Variants in WWOX observed in about 807,000 individuals in gnomAD.
WWOX encodes the protein WW domain-containing oxidoreductase.
WWOX carries 69 observed loss-of-function variants against 46.2 expected under a neutral mutation model. The ratio of observed to expected loss-of-function variants is 1.49; its 90% confidence interval spans 1.23 to 1.82. The LOEUF is 1.82. WWOX is among the 40% of genes most tolerant of loss of function. WWOX has a pLI of 0.00. For synonymous variants in WWOX, 359 were observed against 202.6 expected, an observed-to-expected ratio of 1.77 and a Z score of -6.56; for missense variants, 919 against 542.6, an observed-to-expected ratio of 1.69 and a Z score of -6.89.
chr16:79,028,876 T>G (rs1350404575), intron 8 of WWOX, among the ~76,000 whole-genome samples: 4 of 146,326 alleles, frequency 2.7e-5, no homozygotes, highest in Non-Finnish European at 4.5e-5. Flanking sequence ...AAGAGATCAC[T>G]TCACAGTTTC....
intron 8 of WWOX, among the ~76,000 whole-genome samples, chr16:78,469,680 C>T (rs2084173627): frequency 6.6e-6 from 1 of 152,182 alleles, no homozygotes; most frequent in Non-Finnish European, 1.5e-5. Context: ...TCTATGGATT[C>T]TGCTTACACC....
chr16:78,421,259 G>A (rs1015322849), intron 6 of WWOX, among the ~76,000 whole-genome samples: 2 of 152,058 alleles, frequency 1.3e-5, no homozygotes, highest in Non-Finnish European at 2.9e-5. Flanking sequence ...TTGCAGCGTT[G>A]GCTCCTTCTG....
intron 8 of WWOX, among the ~76,000 whole-genome samples, chr16:78,581,820 A>C (rs984709471): frequency 6.6e-6 from 1 of 152,188 alleles, no homozygotes. Context: ...TAGTAGTGTA[A>C]GTTGATTTCA....
chr16:78,193,358 C>G (rs927907560), intron 5 of WWOX, among the ~76,000 whole-genome samples: 1 of 152,188 alleles, frequency 6.6e-6, no homozygotes, highest in African/African-American at 2.4e-5. Context: ...TGTTTTATCT[C>G]AAGCTCCCAG....
intron 8 of WWOX, among the ~76,000 whole-genome samples, chr16:78,844,594 A>C (rs574545270): frequency 6.6e-6 from 1 of 152,318 alleles, no homozygotes; most frequent in East Asian, 1.9e-4. Context: ...TGTGGAGGGA[A>C]AGACCGCAGA....
intron 8 of WWOX, among the ~76,000 whole-genome samples, chr16:78,667,496 C>G (rs1441947380): frequency 6.6e-6 from 1 of 151,826 alleles, no homozygotes; most frequent in Non-Finnish European, 1.5e-5. Flanking sequence ...CGGTGAAACC[C>G]TGTCTCTACT....
chr16:78,701,009 T>C (rs766391850), intron 8 of WWOX, among the ~76,000 whole-genome samples: 28 of 152,174 alleles, frequency 1.8e-4, no homozygotes, highest in Non-Finnish European at 3.7e-4. Context: ...GCTGCCTAGG[T>C]TTGAATCCAG....
At chr16:79,106,582 A>ATTTTTTTTTTTTTTTTTTTTTTTTTT (rs752318131) in intron 8 of WWOX, 6 of 79,514 alleles carry the variant, frequency 7.5e-5, no homozygotes, top group African/African-American at 3.2e-4. Context: ...TCTTAAAATA[A>ATTTTTTTTTTTTTTTTTTTTTTTTTT]TTTTTTTTTT....
At chr16:79,031,337 T>C (rs2047749853) in intron 8 of WWOX, among the ~76,000 whole-genome samples, 2 of 152,136 alleles carry the variant, frequency 1.3e-5, no homozygotes, top group Admixed American at 1.3e-4. Flanking sequence ...ATCCTGGCAC[T>C]GCAGTCCTGG....
chr16:78,764,201 G>A (rs140346224), intron 8 of WWOX, among the ~76,000 whole-genome samples: 67 of 152,134 alleles, frequency 4.4e-4, no homozygotes, highest in African/African-American at 1.4e-3. Context: ...TCAGTCTTCC[G>A]GCTCTACCCT....
chr16:78,499,448 GC>G (rs1437750330), intron 8 of WWOX, among the ~76,000 whole-genome samples: 1 of 152,158 alleles, frequency 6.6e-6, no homozygotes, highest in Non-Finnish European at 1.5e-5. Flanking sequence ...TTTTACCATA[GC>G]TAACCTTTCT....
intron 8 of WWOX, among the ~76,000 whole-genome samples, chr16:78,977,527 G>A (rs1372279623): frequency 1.3e-5 from 2 of 152,092 alleles, no homozygotes; most frequent in Admixed American, 6.5e-5. Flanking sequence ...CGCCCTCTCT[G>A]CATGTGTCCT....
intron 8 of WWOX, among the ~76,000 whole-genome samples, chr16:79,011,869 G>C (rs1300196332): frequency 6.6e-6 from 1 of 152,144 alleles, no homozygotes; most frequent in Non-Finnish European, 1.5e-5. Flanking sequence ...CTTCAGGCTA[G>C]TCTTGAACTC....
intron 8 of WWOX, among the ~76,000 whole-genome samples, chr16:78,976,987 A>G (rs2046585323): frequency 6.6e-6 from 1 of 152,112 alleles, no homozygotes; most frequent in Non-Finnish European, 1.5e-5. Context: ...ATGTTTTTGA[A>G]TCTAGCATGT....
chr16:78,247,016 A>C (rs568110192), intron 5 of WWOX, among the ~76,000 whole-genome samples: 1 of 152,226 alleles, frequency 6.6e-6, no homozygotes, highest in East Asian at 1.9e-4. Context: ...TTCACACAAG[A>C]AAGAATGGCA....
intron 8 of WWOX, chr16:79,203,410 C>G (rs571989926): frequency 2.6e-5 from 4 of 152,090 alleles, no homozygotes; most frequent in Non-Finnish European, 5.9e-5. Flanking sequence ...TGAATTATTG[C>G]AAAGTACATC....
intron 5 of WWOX, among the ~76,000 whole-genome samples, chr16:78,321,315 CGT>C (rs1567499072): frequency 5.1e-4 from 43 of 84,468 alleles, no homozygotes; most frequent in East Asian, 3.2e-3. Flanking sequence ...TATATATATG[CGT>C]ATATATATAC....
intron 8 of WWOX, among the ~76,000 whole-genome samples, chr16:78,930,918 T>C (rs2045610914): frequency 1.3e-5 from 2 of 152,120 alleles, no homozygotes; most frequent in African/African-American, 4.8e-5. Flanking sequence ...TCTGGGTTCG[T>C]TCCCAGGTCC....
chr16:79,017,365 G>A (rs886979889), intron 8 of WWOX: 5 of 137,376 alleles, frequency 3.6e-5, no homozygotes, highest in African/African-American at 1.3e-4. Flanking sequence ...GGGAGGCGGA[G>A]CTTGCAGTGA....
Sources: gnomAD v4.1 joint callset for allele counts (sites outside exome capture counted in the v4.1 genomes callset) on GRCh38, gnomAD v4.1.1 for gene constraint, MANE v1.5 for transcripts, NCBI Gene and HGNC (gene_info 2026-07-23, HGNC 2026-07-21) for gene names.